PANK1: variants seen among roughly 807,000 people sequenced by gnomAD.
The protein encoded by PANK1 is pantothenic acid kinase 1.
PANK1 carries 18 observed loss-of-function variants against 40.1 expected under a neutral mutation model. That is an observed-to-expected ratio of 0.45 (90% confidence interval 0.31 to 0.67). PANK1 has a LOEUF of 0.67. Among genes scored for constraint, PANK1 ranks in the 30% least tolerant of loss-of-function variants. The probability of loss-of-function intolerance (pLI) is 0.06; values close to 1 mark genes in which losing one functional copy is unlikely to be tolerated. For synonymous variants in PANK1, 242 were observed against 237.7 expected (o/e 1.02, Z -0.17); for missense variants, 457 against 599.6 (o/e 0.76, Z 2.48).
chr10:89,644,569 G>A lies in PANK1; in HGVS notation c.292+31C>T, dbSNP rs769521794. 19 of 1,564,122 alleles carry A rather than the reference G, an allele frequency of 1.2e-5. No individual in the cohort carries two copies. The East Asian group carries it at 4.1e-4, about 34-fold the overall frequency. ...GGGCCCCGCACGCTGCGTCTGCCTT[G>A]CGCCCGCGCTCCCCTCCCAGCGGGA... is the stretch of plus-strand genomic sequence containing the variant. On this transcript the variant is annotated intron_variant, in intron 1 of 6. Transcript: ENST00000307534.
intron 1 of PANK1, among the ~76,000 whole-genome samples, chr10:89,624,950 G>A (rs1206883570): frequency 1.3e-5 from 2 of 152,148 alleles, no homozygotes; most frequent in African/African-American, 4.8e-5. Flanking sequence ...CCAGGCTGGA[G>A]TGTAGTGGTG....
intron 3 of PANK1, among the ~76,000 whole-genome samples, chr10:89,595,828 A>T (rs1270945843): frequency 3.0e-5 from 2 of 67,132 alleles, no homozygotes; most frequent in East Asian, 6.6e-4. Context: ...AAAAAAAAAA[A>T]AAAAAATATA....
At chr10:89,586,381 A>G in intron 6 of PANK1, among the ~76,000 whole-genome samples, 1 of 152,106 alleles carries the variant, frequency 6.6e-6, no homozygotes, top group East Asian at 1.9e-4. Flanking sequence ...TCCATAAATA[A>G]TCAGGTATTC....
intron 1 of PANK1, among the ~76,000 whole-genome samples, chr10:89,642,096 T>G (rs1312640886): frequency 6.6e-6 from 1 of 152,210 alleles, no homozygotes; most frequent in Non-Finnish European, 1.5e-5. Flanking sequence ...GCACTTTAGA[T>G]GAAAAGAGTG....
intron 5 of PANK1, among the ~76,000 whole-genome samples, chr10:89,589,138 T>C (rs1202551381): frequency 6.6e-6 from 1 of 152,130 alleles, no homozygotes; most frequent in Non-Finnish European, 1.5e-5. Context: ...TCCCCCAACT[T>C]CTAGGTATAA....
chr10:89,610,506 G>T (rs915008380), intron 2 of PANK1, among the ~76,000 whole-genome samples: 1 of 152,080 alleles, frequency 6.6e-6, no homozygotes, highest in African/African-American at 2.4e-5. Flanking sequence ...TCTCACTTAG[G>T]ATACTATTCT....
Position 89,599,467 on chromosome 10 carries a change from G to C in PANK1, c.684C>G (p.Asp228Glu), listed in dbSNP as rs1424223182. 1 of 1,613,808 alleles carries C rather than the reference G, an allele frequency of 6.2e-7. No homozygotes were observed. The highest frequency in any genetic ancestry group is 8.5e-7 in the Non-Finnish European group (1 of 1,179,698). ...CATAAAGCAGGCCCTGAATCAGACA[G>C]TCCAGTTCATCCAGTTTATGCAGCT... The part of the protein sequence containing the change: ...DLQLHKLDEL[D>E]CLIQGLLYVD... Residue 228 changes from aspartate (D) to glutamate (E), a missense_variant, in exon 3 of 7, where the codon GAC becomes GAG. Around this residue, in one of 4 missense-constraint regions of PANK1, gnomAD observed 286 missense variants for 415.8 expected, o/e 0.69. Coordinates refer to ENST00000307534, the MANE Select transcript of PANK1 (RefSeq NM_148977.3).
chr10:89,644,472 G>T, intron 1 of PANK1, 128 bp downstream of exon 1: 3 of 765,058 alleles, frequency 3.9e-6, no homozygotes, highest in Non-Finnish European at 6.1e-6. Context: ...CCTACTCTGT[G>T]CAGTCCCTCG....
chr10:89,625,147 C>G (rs75444736), intron 1 of PANK1, among the ~76,000 whole-genome samples: 3,087 of 152,292 alleles, frequency 0.02, 110 homozygotes, highest in African/African-American at 0.07. Flanking sequence ...AGAGATTCTC[C>G]TCCTCAGCCT....
At chr10:89,598,446 G>A (rs1034230233) in intron 3 of PANK1, among the ~76,000 whole-genome samples, 4 of 152,220 alleles carry the variant, frequency 2.6e-5, no homozygotes, top group African/African-American at 9.6e-5. Flanking sequence ...CATTCTACAT[G>A]GCACTAATCT....
chr10:89,634,904 T>G (rs1233514014), intron 1 of PANK1, among the ~76,000 whole-genome samples: 1 of 152,180 alleles, frequency 6.6e-6, no homozygotes, highest in African/African-American at 2.4e-5. Flanking sequence ...ACAAGCCATG[T>G]GTCCTGCTTC....
Position 89,644,709 on chromosome 10 carries a change from G to A in PANK1, c.183C>T (p.Leu61=), listed in dbSNP as rs1333481163. ...GCGGCTGCAGCTCCGGCAGGAGCGG[G>A]AGGCGCTGGGGCGCCGCGTCGCTGC... ...VGGSDAAPQR[L]PLLPELQPQP... is the part of the protein sequence containing the mutation. The change falls in exon 1 of 7, where the codon CTC becomes CTT. Residue 61 remains leucine, a synonymous_variant. Coordinates refer to ENST00000307534, the MANE Select transcript of PANK1 (RefSeq NM_148977.3). 4 of 1,540,938 alleles carry A rather than the reference G, an allele frequency of 2.6e-6. No homozygotes were observed. Among genetic ancestry groups the A allele is most frequent in the Non-Finnish European group, 3.5e-6 (4 of 1,150,626 alleles).
At position 89,584,054 on chromosome 10, in the gene PANK1, TC is replaced by T. The variant is rs1373947804; in HGVS notation, c.*351del. On this transcript the variant is annotated 3_prime_UTR_variant, in exon 7 of 7. Transcript: ENST00000307534. ...AATGAAGTTAAAATCACCACACTGA[TC>T]AGTAAACCCCAGAAGAAAAATGACC... The T allele has an allele frequency of 5.0e-6, 1 of 198,408 alleles. No homozygotes were observed. Among genetic ancestry groups the T allele is most frequent in the African/African-American group, 2.3e-5 (1 of 43,224 alleles). 12.3% of individuals were successfully genotyped at this position (198,408 alleles called of 1,614,324 possible). A position where few individuals can be genotyped will look rare whatever the true frequency, so the allele number is the denominator to read the frequency against.
At chr10:89,636,405 C>T (rs1204561644) in intron 1 of PANK1, among the ~76,000 whole-genome samples, 1 of 151,822 alleles carries the variant, frequency 6.6e-6, no homozygotes, top group Non-Finnish European at 1.5e-5. Context: ...GGCGCGATCT[C>T]AGCTCACTGC....
At chr10:89,637,654 A>T (rs1232847876) in intron 1 of PANK1, among the ~76,000 whole-genome samples, 1 of 152,246 alleles carries the variant, frequency 6.6e-6, no homozygotes, top group African/African-American at 2.4e-5. Flanking sequence ...TGGTGAGTAA[A>T]TGTGAAGGCC....
intron 1 of PANK1, among the ~76,000 whole-genome samples, chr10:89,615,919 T>C (rs1038511366): frequency 6.6e-6 from 1 of 152,196 alleles, no homozygotes; most frequent in South Asian, 2.1e-4. Flanking sequence ...GCAGCTATGA[T>C]CCATGACTCA....
intron 2 of PANK1, among the ~76,000 whole-genome samples, chr10:89,608,177 G>A (rs1388423025): frequency 4.6e-5 from 7 of 151,870 alleles, no homozygotes; most frequent in Admixed American, 2.0e-4. Flanking sequence ...GACTACAGGC[G>A]CCCGCGACCA....
At position 89,633,573 on chromosome 10, in the gene PANK1, G is replaced by T. The variant is rs373162066; in HGVS notation, c.292+11027C>A. On this transcript the variant is annotated intron_variant, in intron 1 of 6. Coordinates refer to ENST00000307534, the MANE Select transcript of PANK1 (RefSeq NM_148977.3). Reference sequence around the variant, plus strand: ...CAAACATAGGTAGTTGGGAGAGTATGAATAGTAAACAGGTTCCACTAATGT... The same window carrying T: ...CAAACATAGGTAGTTGGGAGAGTATTAATAGTAAACAGGTTCCACTAATGT... 9.9e-5 allele frequency among the ~76,000 whole-genome samples: 15 copies of T among 151,828 alleles called. No individual in the cohort carries two copies. The East Asian group carries it at 2.1e-3, about 22-fold the overall frequency.
At chr10:89,605,100 T>C (rs1048906126) in intron 2 of PANK1, among the ~76,000 whole-genome samples, 2 of 151,288 alleles carry the variant, frequency 1.3e-5, no homozygotes, top group Admixed American at 6.6e-5. Flanking sequence ...AATTTTAAAA[T>C]ATATTTATTG....
Sources: gnomAD v4.1 joint callset for allele counts (sites outside exome capture counted in the v4.1 genomes callset) on GRCh38, gnomAD v4.1.1 for gene constraint, gnomAD v4.1.1 regional missense constraint, MANE v1.5 for transcripts, NCBI Gene and HGNC (gene_info 2026-07-23, HGNC 2026-07-21) for gene names.